The following LNP1 variants were observed in gnomAD, a reference collection of about 807,000 sequenced individuals.
LNP1 encodes the protein leukemia NUP98 fusion partner 1.
LNP1 carries 12 observed loss-of-function variants against 14.5 expected under a neutral mutation model. The ratio of observed to expected loss-of-function variants is 0.83; its 90% CI spans 0.53 to 1.34. The LOEUF (loss-of-function observed/expected upper bound fraction) is 1.34. Ranked by LOEUF, LNP1 falls within the 40% of genes most tolerant of loss-of-function variation. The pLI, the probability that LNP1 is intolerant of heterozygous loss-of-function variation, is 0.00. For missense variants in LNP1, 198 were observed against 210.9 expected, an observed-to-expected ratio of 0.94 and a Z score of 0.38; for synonymous variants, 75 against 71.4, an observed-to-expected ratio of 1.05 and a Z score of -0.26.
intron 2 of LNP1, among the ~76,000 whole-genome samples, chr3:100,450,698 G>A (rs1305580810): frequency 6.6e-6 from 1 of 152,040 alleles, no homozygotes; most frequent in Non-Finnish European, 1.5e-5. Flanking sequence ...TTAGGCATGG[G>A]TCTCAGGCTG....
rs143740565 is a variant in LNP1 at position 100,453,515 on chromosome 3, G to A, written c.387+1566G>A. On this transcript the variant is annotated intron_variant, in intron 3 of 3. Transcript: ENST00000383693. ...TGAGGTGGGAGGATCTCTTGTGCTC[G>A]AGTTTGAGACTGCCGTCAGCTATGA... Among the ~76,000 whole-genome samples, 22 of 149,306 alleles carry A rather than the reference G, an allele frequency of 1.5e-4. 1 individual carries two copies. In the East Asian group the frequency reaches 3.4e-3, roughly 23 times the overall value.
rs931900816 is a variant in LNP1 at position 100,449,425 on chromosome 3, G to A, written c.157-2294G>A. 2.6e-5 allele frequency among the ~76,000 whole-genome samples: 4 copies of A among 152,078 alleles called. No individual in the cohort carries two copies. The East Asian group carries it at 7.7e-4, about 29-fold the overall frequency. ...TGTTTACACTCCTGTGGTTCCATAA[G>A]GAAAAACAGGTTTCTCCCCCAAAGG... On this transcript the variant is annotated intron_variant, in intron 2 of 3. Transcript: ENST00000383693.
intron 2 of LNP1, among the ~76,000 whole-genome samples, chr3:100,445,167 G>A (rs114426348): frequency 6.6e-6 from 1 of 152,178 alleles, no homozygotes; most frequent in Non-Finnish European, 1.5e-5. Context: ...AGCTACTTGG[G>A]AAACTGAGGC....
At chr3:100,409,659 G>A (rs865888408) in intron 1 of LNP1, among the ~76,000 whole-genome samples, 2 of 148,588 alleles carry the variant, frequency 1.3e-5, no homozygotes, top group African/African-American at 2.5e-5. Flanking sequence ...GTGCAGTGGC[G>A]TGATCTCGGC....
rs1231008127 is a variant in LNP1 at position 100,455,802 on chromosome 3, A to T, written c.413A>T (p.Asn138Ile). The T allele has an allele frequency of 6.2e-7, 1 of 1,614,102 alleles. No individual in the cohort carries two copies. Among genetic ancestry groups the T allele is most frequent in the Non-Finnish European group, 8.5e-7 (1 of 1,179,988 alleles). ...SLGPESRKER[N>I]ERECLRMEIK... The stretch of plus-strand genomic sequence containing the variant: ...GGACCTGAAAGCAGAAAGGAGAGAA[A>T]TGAAAGAGAATGCCTGAGGATGGAG... The change falls in exon 4 of 4, where the codon AAT becomes ATT. Residue 138 changes from asparagine to isoleucine, a missense_variant. Physicochemically the swap from Asn to Ile is moderately radical, Grantham distance 149 (BLOSUM62 -3). Coordinates refer to ENST00000383693, the MANE Select transcript of LNP1 (RefSeq NM_001085451.2).
chr3:100,452,074 G>T, intron 3 of LNP1, 125 bp downstream of exon 3: 1 of 560,662 alleles, frequency 1.8e-6, no homozygotes, highest in Non-Finnish European at 3.1e-6. Flanking sequence ...TAAGATCTTT[G>T]AAAAATGACA....
chr3:100,416,471 G>A (rs1184488262), intron 1 of LNP1, among the ~76,000 whole-genome samples: 1 of 151,964 alleles, frequency 6.6e-6, no homozygotes, highest in Admixed American at 6.6e-5. Flanking sequence ...TGCTGCTGTT[G>A]TTGTTTAATG....
chr3:100,447,085 G>A (rs572140797), intron 2 of LNP1, among the ~76,000 whole-genome samples: 6 of 152,110 alleles, frequency 3.9e-5, no homozygotes, highest in African/African-American at 9.7e-5. Flanking sequence ...TTGACCCAGC[G>A]ATCCCATTAC....
At position 100,429,826 on chromosome 3, in the gene LNP1, C is replaced by T. The variant is rs1488069376; in HGVS notation, c.97C>T (p.Leu33Phe). The change falls in exon 2 of 4, where the codon CTC becomes TTC. Residue 33 changes from leucine (L) to phenylalanine (F), a missense_variant. Transcript: ENST00000383693. ...CTGGAGAGAGGAGGATCAGAGAGGA[C>T]TCCGGGAACGCCACCGACTGCAAGC... ...HSWREEDQRG[L>F]RERHRLQATS... 1 of 1,613,910 alleles carries T rather than the reference C, an allele frequency of 6.2e-7. No individual in the cohort carries two copies. Among genetic ancestry groups the T allele is most frequent in the South Asian group, 1.1e-5 (1 of 91,062 alleles).
intron 2 of LNP1, among the ~76,000 whole-genome samples, chr3:100,439,489 ATG>A (rs1707324990): frequency 6.6e-6 from 1 of 152,140 alleles, no homozygotes; most frequent in Non-Finnish European, 1.5e-5. Flanking sequence ...GGATCTGCCC[ATG>A]TGGTGCTCAT....
At chr3:100,445,608 C>T (rs1400922798) in intron 2 of LNP1, among the ~76,000 whole-genome samples, 1 of 152,188 alleles carries the variant, frequency 6.6e-6, no homozygotes, top group Non-Finnish European at 1.5e-5. Flanking sequence ...TTTTTAATCT[C>T]AGTTTATTTT....
chr3:100,422,894 A>G (rs1374367592), intron 1 of LNP1, among the ~76,000 whole-genome samples: 2 of 150,120 alleles, frequency 1.3e-5, no homozygotes, highest in African/African-American at 4.9e-5. Flanking sequence ...TTTTTAGAAT[A>G]AAAAATAATG....
chr3:100,414,376 G>A (rs962781718), intron 1 of LNP1, among the ~76,000 whole-genome samples: 2 of 151,954 alleles, frequency 1.3e-5, no homozygotes, highest in African/African-American at 4.8e-5. Context: ...GTGAAACCTC[G>A]TCTCTACTAA....
chr3:100,437,177 T>A (rs1019537079), intron 2 of LNP1, among the ~76,000 whole-genome samples: 6 of 152,226 alleles, frequency 3.9e-5, no homozygotes, highest in African/African-American at 1.4e-4. Flanking sequence ...AACATTATTA[T>A]ACATGACCTA....
chr3:100,443,526 A>G (rs545079287), intron 2 of LNP1, among the ~76,000 whole-genome samples: 5 of 152,172 alleles, frequency 3.3e-5, no homozygotes, highest in Admixed American at 6.5e-5. Context: ...AGCTGAGCTG[A>G]GTTGGGCGAT....
At chr3:100,403,172 C>A (rs1455972335) in intron 1 of LNP1, among the ~76,000 whole-genome samples, 7 of 152,136 alleles carry the variant, frequency 4.6e-5, no homozygotes, top group Non-Finnish European at 8.8e-5. Flanking sequence ...AAACATCTAC[C>A]TCTCAGGCTA....
At chr3:100,429,374 T>C (rs893275289) in intron 1 of LNP1, among the ~76,000 whole-genome samples, 3 of 152,124 alleles carry the variant, frequency 2.0e-5, no homozygotes, top group East Asian at 3.9e-4. Context: ...TCACATGTCA[T>C]TGGCAGCAAA....
At chr3:100,411,138 G>A (rs1464111095) in intron 1 of LNP1, among the ~76,000 whole-genome samples, 1 of 152,166 alleles carries the variant, frequency 6.6e-6, no homozygotes, top group African/African-American at 2.4e-5. Context: ...AAGATCCAAA[G>A]GAATTTTCCT....
intron 1 of LNP1, among the ~76,000 whole-genome samples, chr3:100,421,263 G>A (rs1707141754): frequency 6.6e-6 from 1 of 152,192 alleles, no homozygotes; most frequent in Non-Finnish European, 1.5e-5. Context: ...AGAAATATAT[G>A]TGGGTCTCTT....
Sources: allele counts gnomAD v4.1 joint callset (sites outside exome capture counted in the v4.1 genomes callset), GRCh38; gene constraint gnomAD v4.1.1; transcripts MANE v1.5; gene names NCBI Gene and HGNC (gene_info 2026-07-23, HGNC 2026-07-21).